The following SNX29 variants were observed in gnomAD, a reference collection of about 807,000 sequenced individuals.
SNX29 encodes the protein sorting nexin-29.
Under a neutral mutation model 102.1 loss-of-function variants are expected in SNX29, and 78 were observed. The observed-to-expected ratio is 0.76, with a 90% confidence interval of 0.64 to 0.92. SNX29 has a LOEUF of 0.92. Ranked by LOEUF, SNX29 falls within the 40% of genes least tolerant of loss-of-function variation. The probability of loss-of-function intolerance (pLI) is 0.00; values close to 1 mark genes in which losing one functional copy is unlikely to be tolerated. For synonymous variants in SNX29, 580 were observed against 414.5 expected (o/e 1.40, Z -4.85); for missense variants, 1,280 against 1,061.7 (o/e 1.21, Z -2.86).
At chr16:12,011,710 G>A (rs974366440) in intron 3 of SNX29, among the ~76,000 whole-genome samples, 1 of 152,160 alleles carries the variant, frequency 6.6e-6, no homozygotes. Flanking sequence ...ACAGTGGAGA[G>A]AGGTGGTGAG....
chr16:11,982,423 G>GTTTTTTTTTT (rs60761477), intron 1 of SNX29, among the ~76,000 whole-genome samples: 2 of 120,354 alleles, frequency 1.7e-5, no homozygotes, highest in Non-Finnish European at 1.7e-5. Context: ...CTTTCCATCA[G>GTTTTTTTTTT]TTTTTTTTTT....
At position 12,491,775 on chromosome 16, in the gene SNX29, C is replaced by A. The variant is rs190607414; in HGVS notation, c.2178+13916C>A. Among the ~76,000 whole-genome samples the A allele has an allele frequency of 1.8e-4, 27 of 152,028 alleles. 1 individual carries two copies. Among genetic ancestry groups the A allele is most frequent in the Admixed American group, 1.0e-3 (16 of 15,266 alleles). On this transcript the variant is annotated intron_variant, in intron 19 of 20. Coordinates refer to ENST00000566228, the MANE Select transcript of SNX29 (RefSeq NM_032167.5). ...ATTCCCACCTATAAGTGAGAACATGCGGTGTTTGGTTTTCTGTCCTTGTGA... is the reference window on the plus strand; with the variant it reads ...ATTCCCACCTATAAGTGAGAACATGAGGTGTTTGGTTTTCTGTCCTTGTGA...
At chr16:12,405,651 C>G (rs2151521374) in intron 18 of SNX29, among the ~76,000 whole-genome samples, 1 of 152,310 alleles carries the variant, frequency 6.6e-6, no homozygotes, top group African/African-American at 2.4e-5. Context: ...TCCTTTATTG[C>G]CATGTTTTTA....
At chr16:12,524,545 A>G (rs986615512) in intron 19 of SNX29, among the ~76,000 whole-genome samples, 157 bp from the exon 20 acceptor site, 16 of 149,904 alleles carry the variant, frequency 1.1e-4, no homozygotes, top group Middle Eastern at 3.4e-3. Flanking sequence ...TACATGTGAT[A>G]CTACATGTAA....
intron 18 of SNX29, among the ~76,000 whole-genome samples, chr16:12,409,631 G>A (rs1189594374): frequency 2.6e-5 from 4 of 151,806 alleles, no homozygotes; most frequent in Non-Finnish European, 4.4e-5. Context: ...GTGTTTCACC[G>A]TGTTAGCCAG....
At chr16:12,508,738 C>T (rs1012674892) in intron 19 of SNX29, among the ~76,000 whole-genome samples, 5 of 152,124 alleles carry the variant, frequency 3.3e-5, no homozygotes, top group East Asian at 1.9e-4. Flanking sequence ...TTTCTTTTAT[C>T]TCCACCAGCT....
At chr16:12,320,347 G>A (rs1168976245) in intron 15 of SNX29, among the ~76,000 whole-genome samples, 2 of 152,126 alleles carry the variant, frequency 1.3e-5, no homozygotes, top group Non-Finnish European at 2.9e-5. Flanking sequence ...CCGAGAGCCA[G>A]AACCATGCCT....
chr16:12,117,546 G>T (rs1398552292), intron 11 of SNX29, among the ~76,000 whole-genome samples: 1 of 152,206 alleles, frequency 6.6e-6, no homozygotes, highest in Non-Finnish European at 1.5e-5. Flanking sequence ...AGATGATTCC[G>T]TTTCTGTGAA....
chr16:12,391,076 G>A (rs1490796293), intron 16 of SNX29, among the ~76,000 whole-genome samples: 1 of 152,012 alleles, frequency 6.6e-6, no homozygotes, highest in African/African-American at 2.4e-5. Context: ...CTTAAGAGTA[G>A]TTGGGACTAT....
Position 12,061,570 on chromosome 16 carries a change from G to C in SNX29, c.1167G>C (p.Trp389Cys). 1 of 1,610,884 alleles carries C rather than the reference G, an allele frequency of 6.2e-7. No homozygotes were observed. The highest frequency in any genetic ancestry group is 8.5e-7 in the Non-Finnish European group (1 of 1,178,942). Reference sequence around the variant, plus strand: ...CCTGCCTCTCCCAGATGCACAGCTGGGCTCCGCTGAAGGTGCTGCACAATG... The same window carrying C: ...CCTGCCTCTCCCAGATGCACAGCTGCGCTCCGCTGAAGGTGCTGCACAATG... ...GNTCLSQMHS[W>C]APLKVLHNDS... Residue 389 changes from tryptophan (W) to cysteine (C), a missense_variant, in exon 9 of 21, where the codon TGG (tryptophan) becomes TGC (cysteine). Trp to Cys is a radical substitution (Grantham distance 215, BLOSUM62 -2). Transcript: ENST00000566228.
chr16:12,281,365 T>C (rs893166222), intron 15 of SNX29, among the ~76,000 whole-genome samples: 1 of 152,214 alleles, frequency 6.6e-6, no homozygotes, highest in African/African-American at 2.4e-5. Context: ...TACACATTTG[T>C]GCTTGGTGAC....
At chr16:12,053,415 C>T (rs1241999697) in intron 8 of SNX29, 1 of 152,026 alleles carries the variant, frequency 6.6e-6, no homozygotes, top group Non-Finnish European at 1.5e-5. Context: ...TAAAATGAGG[C>T]CAGGTGCAGT....
intron 18 of SNX29, among the ~76,000 whole-genome samples, chr16:12,427,984 C>T (rs143577878): frequency 6.6e-6 from 1 of 152,274 alleles, no homozygotes; most frequent in African/African-American, 2.4e-5. Context: ...GTGCCTTTTG[C>T]CTTTAAAGAC....
intron 3 of SNX29, among the ~76,000 whole-genome samples, chr16:12,021,011 A>T (rs192463536): frequency 6.6e-6 from 1 of 152,278 alleles, no homozygotes; most frequent in Non-Finnish European, 1.5e-5. Flanking sequence ...TGATTGACTG[A>T]TTTTCACTGG....
rs190248447 is a variant in SNX29, at chr16:12,569,494, C to T, written c.*865C>T. ...GTCAGGGAACCACTGCAGAAGGTTC[C>T]AGGGTTTTCAAACCAGGCTCCATGA... is the stretch of plus-strand genomic sequence containing the variant. On this transcript the variant is annotated 3_prime_UTR_variant, in exon 21 of 21. Coordinates refer to ENST00000566228, the MANE Select transcript of SNX29 (RefSeq NM_032167.5). The T allele has an allele frequency of 1.9e-4, 45 of 231,668 alleles. No individual in the cohort carries two copies. Among genetic ancestry groups the T allele is most frequent in the East Asian group, 6.1e-4 (10 of 16,382 alleles). 14.4% of individuals were successfully genotyped at this position (231,668 alleles called of 1,614,324 possible).
At chr16:12,442,011 C>G (rs1432033861) in intron 18 of SNX29, among the ~76,000 whole-genome samples, 1 of 152,028 alleles carries the variant, frequency 6.6e-6, no homozygotes, top group Non-Finnish European at 1.5e-5. Flanking sequence ...AACTCCTGAC[C>G]TCAGGTGATC....
intron 20 of SNX29, among the ~76,000 whole-genome samples, chr16:12,535,866 G>A (rs1057066360): frequency 1.3e-5 from 2 of 152,160 alleles, no homozygotes; most frequent in Non-Finnish European, 2.9e-5. Context: ...CCCTATTGGT[G>A]CTGTCCAAGG....
chr16:12,515,433 C>T (rs537021586), intron 19 of SNX29: 6 of 459,268 alleles, frequency 1.3e-5, no homozygotes, highest in Middle Eastern at 4.0e-4. Context: ...GCACCCCATC[C>T]GCAAGTCACC....
At chr16:12,453,394 G>A (rs994878678) in intron 18 of SNX29, among the ~76,000 whole-genome samples, 3 of 152,196 alleles carry the variant, frequency 2.0e-5, no homozygotes, top group Non-Finnish European at 2.9e-5. Flanking sequence ...TACTGGCGGT[G>A]TGACCCTGGG....
Sources: allele counts gnomAD v4.1 joint callset (sites outside exome capture counted in the v4.1 genomes callset), GRCh38; gene constraint gnomAD v4.1.1; transcripts MANE v1.5; gene names NCBI Gene and HGNC (gene_info 2026-07-23, HGNC 2026-07-21).